The following HIF1A variants were observed in gnomAD, a reference collection of about 807,000 sequenced individuals.
HIF1A encodes hypoxia inducible factor 1 subunit alpha.
Under a neutral mutation model 92.7 loss-of-function variants are expected in HIF1A, and 24 were observed. The observed-to-expected ratio is 0.26, with a 90% CI of 0.19 to 0.36. The LOEUF is 0.36. Ranked by LOEUF, HIF1A falls within the 10% of genes least tolerant of loss-of-function variation. The pLI is 1.00. For missense variants in HIF1A, 799 were observed against 998.5 expected, an observed-to-expected ratio of 0.80 and a Z score of 2.69; for synonymous variants, 319 against 338.7, an observed-to-expected ratio of 0.94 and a Z score of 0.64.
At chr14:61,743,933 CA>C (rs1251460874) in intron 12 of HIF1A, among the ~76,000 whole-genome samples, 1 of 152,080 alleles carries the variant, frequency 6.6e-6, no homozygotes, top group East Asian at 1.9e-4. Context: ...GAAAGTTACC[CA>C]ATAGGCCTCA....
Position 61,740,488 on chromosome 14 carries a change from C to G in HIF1A, c.1537-17C>G. 1 of 1,539,598 alleles carries G rather than the reference C, an allele frequency of 6.5e-7. No individual in the cohort carries two copies. The highest frequency in any genetic ancestry group is 8.8e-7 in the Non-Finnish European group (1 of 1,137,994). On this transcript the variant is annotated splice_polypyrimidine_tract_variant and intron_variant, in intron 10 of 14. Transcript: ENST00000337138. Reference sequence around the variant, plus strand: ...GGAAGCTTCTTCAGGAAATAGTAAACATATTTCTTTTTACAGCCTAATAGT... The same window carrying G: ...GGAAGCTTCTTCAGGAAATAGTAAAGATATTTCTTTTTACAGCCTAATAGT...
chr14:61,747,044 C>T lies in HIF1A; in HGVS notation c.2440C>T (p.Gln814Ter). ...TATACAAGGCAGCAGAAACCTACTG[C>T]AGGGTGAAGAATTACTCAGAGCTTT... ...APIQGSRNLL[Q>*]GEELLRALDQ... is the part of the protein sequence containing the mutation. Residue 814 changes from glutamine (Q) to a stop codon, truncating the protein, a stop_gained, in exon 15 of 15, where the codon CAG becomes TAG. Transcript: ENST00000337138. LOFTEE classifies it high-confidence loss of function. 6.2e-7 allele frequency: 1 copy of T among 1,613,398 alleles called. No individual in the cohort carries two copies. Among genetic ancestry groups the T allele is most frequent in the Non-Finnish European group, 8.5e-7 (1 of 1,179,752 alleles).
At chr14:61,746,538 G>A (rs1435810282) in intron 14 of HIF1A, among the ~76,000 whole-genome samples, 1 of 151,540 alleles carries the variant, frequency 6.6e-6, no homozygotes, top group Admixed American at 6.6e-5. Flanking sequence ...TGAGTAGCTC[G>A]CACTACAGAC....
In HIF1A at chr14:61,744,769, C is replaced by T. The variant is rs1279867612; in HGVS notation, c.2158C>T (p.Arg720Ter). The T allele has an allele frequency of 1.9e-6, 3 of 1,596,078 alleles. No homozygotes were observed. Among genetic ancestry groups the T allele is most frequent in the Non-Finnish European group, 2.6e-6 (3 of 1,168,242 alleles). ...ILALQNAQRK[R>*]KMEHDGSLFQ... Reference sequence around the variant, plus strand: ...AGCTTTGCAGAATGCTCAGAGAAAGCGAAAAATGGAACATGATGGTTCACT... The same window carrying T: ...AGCTTTGCAGAATGCTCAGAGAAAGTGAAAAATGGAACATGATGGTTCACT... Residue 720 changes from arginine to a stop codon, truncating the protein, a stop_gained, in exon 13 of 15, where the codon CGA (arginine) becomes TGA (stop). Transcript: ENST00000337138. LOFTEE classifies it high-confidence loss of function.
chr14:61,722,085 A>C (rs2044437657), intron 4 of HIF1A, among the ~76,000 whole-genome samples: 1 of 103,242 alleles, frequency 9.7e-6, no homozygotes, highest in African/African-American at 2.6e-5. Context: ...GTTACAAATA[A>C]CTTTTTTTTT....
intron 13 of HIF1A, chr14:61,745,456 A>C (rs898051817): frequency 3.0e-5 from 15 of 500,796 alleles, no homozygotes; most frequent in Non-Finnish European, 5.4e-5. Context: ...TTTTGGGGTA[A>C]GTCAATGGTG....
chr14:61,746,888 C>A (rs371627169), intron 14 of HIF1A, 46 bp from the exon 15 acceptor site: 31 of 1,430,044 alleles, frequency 2.2e-5, no homozygotes, highest in Non-Finnish European at 2.8e-5. Flanking sequence ...AATAAATATT[C>A]ATTGACTAGA....
At position 61,721,635 on chromosome 14, in the gene HIF1A, A is replaced by G; in HGVS notation, c.353A>G (p.Lys118Arg). The G allele has an allele frequency of 1.2e-6, 2 of 1,613,378 alleles. No homozygotes were observed. Among genetic ancestry groups the G allele is most frequent in the South Asian group, 2.2e-5 (2 of 91,076 alleles). The change falls in exon 3 of 15, where the codon AAA (lysine) becomes AGA (arginine). Residue 118 changes from lysine to arginine, a missense_variant. By Grantham distance (26) the Lys-to-Arg change is conservative. Around this residue, in one of 2 missense-constraint regions of HIF1A, gnomAD observed 516 missense variants for 721.0 expected, o/e 0.72. Transcript: ENST00000337138. ...ATTTACATTTCTGATAATGTGAACA[A>G]ATACATGGGATTAACTCAGGTAAAA... is the stretch of plus-strand genomic sequence containing the variant. Reference protein sequence around the residue: ...DMIYISDNVNKYMGLTQFELT... With the variant: ...DMIYISDNVNRYMGLTQFELT...
intron 1 of HIF1A, among the ~76,000 whole-genome samples, chr14:61,706,290 GCTGA>G (rs1369744271): frequency 1.3e-5 from 2 of 152,128 alleles, no homozygotes; most frequent in Non-Finnish European, 2.9e-5. Flanking sequence ...GGTATTAAAA[GCTGA>G]CTTTTAAAAA....
chr14:61,733,861 T>C (rs1427176310), intron 7 of HIF1A, among the ~76,000 whole-genome samples: 1 of 152,164 alleles, frequency 6.6e-6, no homozygotes, highest in Non-Finnish European at 1.5e-5. Flanking sequence ...ACCTAAGTCA[T>C]TAAAGGAATT....
chr14:61,718,385 C>G (rs1417997956), intron 1 of HIF1A, among the ~76,000 whole-genome samples: 2 of 152,138 alleles, frequency 1.3e-5, no homozygotes, highest in Non-Finnish European at 2.9e-5. Context: ...CTATTTCCCA[C>G]AGCTATCACT....
At chr14:61,735,552 A>AT (rs2044625177) in intron 8 of HIF1A, among the ~76,000 whole-genome samples, 1 of 152,228 alleles carries the variant, frequency 6.6e-6, no homozygotes, top group African/African-American at 2.4e-5. Flanking sequence ...AATTGTTTAC[A>AT]TATCTACTTT....
intron 1 of HIF1A, among the ~76,000 whole-genome samples, chr14:61,717,866 C>A (rs2044381527): frequency 7.2e-6 from 1 of 137,968 alleles, no homozygotes; most frequent in Admixed American, 7.0e-5. Context: ...ACTAAAAATA[C>A]AAAAATTAGC....
chr14:61,698,982 T>A (rs1302618479), intron 1 of HIF1A: 1 of 152,202 alleles, frequency 6.6e-6, no homozygotes, highest in East Asian at 1.9e-4. Context: ...ATGCCAAAGT[T>A]TAGACAATTT....
chr14:61,703,310 T>G (rs1321111409), intron 1 of HIF1A, among the ~76,000 whole-genome samples: 1 of 152,224 alleles, frequency 6.6e-6, no homozygotes, highest in Non-Finnish European at 1.5e-5. Flanking sequence ...GTTTTAAATT[T>G]GGAACACTGG....
intron 1 of HIF1A, among the ~76,000 whole-genome samples, chr14:61,708,364 A>G (rs866315594): frequency 2.0e-4 from 30 of 152,216 alleles, no homozygotes; most frequent in Admixed American, 2.0e-4. Flanking sequence ...TGTTTTAAAC[A>G]TGAAGTCCTT....
chr14:61,729,281 G>A (rs1041776026), intron 6 of HIF1A, among the ~76,000 whole-genome samples: 2 of 152,056 alleles, frequency 1.3e-5, no homozygotes, highest in African/African-American at 4.8e-5. Flanking sequence ...GGCCAACATG[G>A]TAAAACCCCA....
Position 61,736,868 on chromosome 14 carries a change from CA to C in HIF1A, c.1029-19del. The stretch of plus-strand genomic sequence containing the variant: ...TATCAAGTGCTCATTTGTGAATTAC[CA>C]ATTTCTCTTGTTTTGACAGTGGTAT... On this transcript the variant is annotated intron_variant, in intron 8 of 14. Transcript: ENST00000337138. 6.5e-7 allele frequency: 1 copy of C among 1,548,146 alleles called. No homozygotes were observed. The highest frequency in any genetic ancestry group is 8.9e-7 in the Non-Finnish European group (1 of 1,121,218).
intron 2 of HIF1A, among the ~76,000 whole-genome samples, 168 bp from the exon 3 acceptor site, chr14:61,721,341 C>T (rs1436229426): frequency 2.0e-5 from 3 of 152,200 alleles, no homozygotes; most frequent in Non-Finnish European, 4.4e-5. Flanking sequence ...GCAGCTGGCA[C>T]ATCTAATTAT....
Sources: gnomAD v4.1 joint callset for allele counts (sites outside exome capture counted in the v4.1 genomes callset) on GRCh38, gnomAD v4.1.1 for gene constraint, gnomAD v4.1.1 regional missense constraint, MANE v1.5 for transcripts, NCBI Gene and HGNC (gene_info 2026-07-23, HGNC 2026-07-21) for gene names.